The following FOXP1 variants were observed in gnomAD, a reference collection of about 807,000 sequenced individuals.
The protein encoded by FOXP1 is forkhead box protein P1.
A neutral mutation model predicts 98.2 loss-of-function variants in FOXP1; 15 were observed. The observed-to-expected ratio is 0.15, with a 90% CI of 0.10 to 0.24. The LOEUF is 0.24. Ranked by LOEUF, FOXP1 falls within the 10% of genes least tolerant of loss-of-function variation. The pLI is 1.00. For missense variants in FOXP1, 633 were observed against 848.5 expected, an observed-to-expected ratio of 0.75 and a Z score of 3.15; for synonymous variants, 371 against 314.5, an observed-to-expected ratio of 1.18 and a Z score of -1.90.
At position 70,977,470 on chromosome 3, in the gene FOXP1, T is replaced by C. The variant is rs140116317; in HGVS notation, c.1428+173A>G. ...TGAATTTCCTAATAATCACATCGTA[T>C]TGTAATACTTAATCAAAAGCAATTA... On this transcript the variant is annotated intron_variant, in intron 16 of 20. Transcript: ENST00000649528. 2.5e-3 allele frequency among the ~76,000 whole-genome samples: 378 copies of C among 152,346 alleles called. 2 individuals carry two copies. Among genetic ancestry groups the C allele is most frequent in the African/African-American group, 9.0e-3 (373 of 41,578 alleles).
chr3:71,222,077 C>T (rs191240308), intron 5 of FOXP1, among the ~76,000 whole-genome samples: 20 of 152,230 alleles, frequency 1.3e-4, no homozygotes, highest in African/African-American at 4.3e-4. Flanking sequence ...CGCTTGAACC[C>T]GGGAGGTGAA....
At chr3:70,972,383 G>T in intron 18 of FOXP1, 172 bp downstream of exon 18, 1 of 993,630 alleles carries the variant, frequency 1.0e-6, no homozygotes, top group Non-Finnish European at 1.6e-6. Context: ...GCAGGGCAGG[G>T]GGACTGGTGG....
At chr3:71,170,291 C>G (rs375627181) in intron 6 of FOXP1, among the ~76,000 whole-genome samples, 1 of 152,196 alleles carries the variant, frequency 6.6e-6, no homozygotes, top group African/African-American at 2.4e-5. Context: ...ACGCTCCCCC[C>G]ACGCCCTCAC....
intron 4 of FOXP1, among the ~76,000 whole-genome samples, chr3:71,319,256 T>C (rs2075261131): frequency 6.6e-6 from 1 of 152,154 alleles, no homozygotes; most frequent in Non-Finnish European, 1.5e-5. Context: ...AAAGCCCCCA[T>C]ACCACCACAA....
intron 3 of FOXP1, among the ~76,000 whole-genome samples, chr3:71,479,646 T>A (rs1243834730): frequency 7.3e-6 from 1 of 136,482 alleles, no homozygotes; most frequent in Admixed American, 7.9e-5. Context: ...ACCATTGTGC[T>A]CCAGCCTCGG....
At chr3:71,197,028 C>CAGT (rs1374586122) in intron 6 of FOXP1, among the ~76,000 whole-genome samples, 1 of 152,170 alleles carries the variant, frequency 6.6e-6, no homozygotes, top group Non-Finnish European at 1.5e-5. Flanking sequence ...TCTAATCATT[C>CAGT]CTTATTCCTT....
At chr3:71,501,483 G>A (rs1426915721) in intron 2 of FOXP1, among the ~76,000 whole-genome samples, 1 of 151,796 alleles carries the variant, frequency 6.6e-6, no homozygotes, top group East Asian at 2.0e-4. Context: ...TTAGTAGAAA[G>A]AGGGTTTCAC....
intron 3 of FOXP1, chr3:71,360,474 A>G (rs1489782958): frequency 6.6e-6 from 1 of 152,184 alleles, no homozygotes; most frequent in East Asian, 1.9e-4. Context: ...TTAGTAGAAT[A>G]TTTACCAAAT....
intron 3 of FOXP1, among the ~76,000 whole-genome samples, chr3:71,431,540 A>T (rs190802377): frequency 6.6e-6 from 1 of 152,318 alleles, no homozygotes; most frequent in Admixed American, 6.5e-5. Flanking sequence ...GAGATCTGGT[A>T]ATTTTCCAGG....
At chr3:71,123,482 T>G (rs1278082430) in intron 6 of FOXP1, among the ~76,000 whole-genome samples, 1 of 152,252 alleles carries the variant, frequency 6.6e-6, no homozygotes, top group Non-Finnish European at 1.5e-5. Context: ...GTTCTCTGGT[T>G]CAGCTAAGCC....
chr3:71,268,090 CTT>C (rs754818021), intron 5 of FOXP1, among the ~76,000 whole-genome samples: 3 of 100,378 alleles, frequency 3.0e-5, no homozygotes, highest in Non-Finnish European at 4.0e-5. Flanking sequence ...CTTTTCTTTT[CTT>C]TTTTTTTTTT....
chr3:71,303,044 C>G (rs1417608843), intron 4 of FOXP1, among the ~76,000 whole-genome samples: 1 of 152,130 alleles, frequency 6.6e-6, no homozygotes, highest in East Asian at 1.9e-4. Context: ...ACTAGTATGT[C>G]CTACTTGGAA....
intron 7 of FOXP1, among the ~76,000 whole-genome samples, chr3:71,074,843 C>T (rs967945574): frequency 1.3e-5 from 2 of 152,162 alleles, no homozygotes; most frequent in Non-Finnish European, 2.9e-5. Context: ...GTGGGAACAT[C>T]GAGGGAGTGA....
At chr3:71,235,712 G>A (rs930843495) in intron 5 of FOXP1, among the ~76,000 whole-genome samples, 1 of 152,110 alleles carries the variant, frequency 6.6e-6, no homozygotes, top group Non-Finnish European at 1.5e-5. Flanking sequence ...GACTAAAGGT[G>A]CGTGCCACCA....
chr3:71,232,412 A>C (rs983777246), intron 5 of FOXP1, among the ~76,000 whole-genome samples: 1 of 152,206 alleles, frequency 6.6e-6, no homozygotes, highest in Non-Finnish European at 1.5e-5. Context: ...CACTAATAAT[A>C]GTTATTCTAC....
intron 4 of FOXP1, among the ~76,000 whole-genome samples, chr3:71,350,944 G>A (rs1369239784): frequency 6.6e-6 from 1 of 152,026 alleles, no homozygotes; most frequent in Non-Finnish European, 1.5e-5. Flanking sequence ...GGCCAAGCAG[G>A]ACCTCCCACC....
At chr3:71,046,590 T>A (rs984393016) in intron 10 of FOXP1, among the ~76,000 whole-genome samples, 1 of 152,126 alleles carries the variant, frequency 6.6e-6, no homozygotes, top group Non-Finnish European at 1.5e-5. Flanking sequence ...CTTAAATGAA[T>A]AATAAAAGCC....
intron 1 of FOXP1, chr3:71,582,848 ACT>A (rs2048296169): frequency 6.2e-6 from 6 of 967,214 alleles, no homozygotes; most frequent in African/African-American, 3.5e-5. Context: ...CTCGCCGCTG[ACT>A]CTCGGGGTAA....
chr3:71,459,052 T>C (rs2087770900), intron 3 of FOXP1, among the ~76,000 whole-genome samples: 1 of 152,214 alleles, frequency 6.6e-6, no homozygotes, highest in East Asian at 1.9e-4. Flanking sequence ...CTGCTCTCAC[T>C]TTTGACATTT....
Sources: allele counts gnomAD v4.1 joint callset (sites outside exome capture counted in the v4.1 genomes callset), GRCh38; gene constraint gnomAD v4.1.1; transcripts MANE v1.5; gene names NCBI Gene and HGNC (gene_info 2026-07-23, HGNC 2026-07-21).